Variants in ETFBKMT observed in about 807,000 individuals in gnomAD.
ETFBKMT encodes electron transfer flavoprotein subunit beta lysine methyltransferase, also known as electron transfer flavoprotein beta subunit lysine methyltransferase.
ETFBKMT carries 13 observed loss-of-function variants against 18.3 expected under a neutral mutation model. The ratio of observed to expected loss-of-function variants is 0.71; its 90% CI spans 0.46 to 1.13. ETFBKMT has a LOEUF of 1.13. ETFBKMT is among the 50% of genes most tolerant of loss of function. The pLI is 0.00. For synonymous variants in ETFBKMT, 84 were observed against 107.9 expected (o/e 0.78, Z 1.37); for missense variants, 293 against 306.2 (o/e 0.96, Z 0.32).
rs1302136238 is a variant in ETFBKMT at position 31,661,450 on chromosome 12, C to G, written c.-113-391C>G. Reference sequence around the variant, plus strand: ...ACTTGCACATGTGAATCATCAGATACAGTAATATACACTGTAATATTTTAT... The same window carrying G: ...ACTTGCACATGTGAATCATCAGATAGAGTAATATACACTGTAATATTTTAT... On this transcript the variant is annotated intron_variant, in intron 1 of 3. Coordinates refer to ENST00000357721, the MANE Select transcript of ETFBKMT (RefSeq NM_001135863.2). 7.2e-5 allele frequency among the ~76,000 whole-genome samples: 11 copies of G among 152,020 alleles called. No homozygotes were observed. The East Asian group carries it at 1.5e-3, about 21-fold the overall frequency.
At position 31,661,856 on chromosome 12, in the gene ETFBKMT, T is replaced by G; in HGVS notation, c.-98T>G. The G allele has an allele frequency of 3.7e-6, 4 of 1,091,246 alleles. No individual in the cohort carries two copies. Among genetic ancestry groups the G allele is most frequent in the Non-Finnish European group, 4.0e-6 (3 of 742,952 alleles). The allele number at this position is 1,091,246 out of a possible 1,614,324, so 67.6% of individuals were successfully genotyped here. ...TTTTTTTCAGAGTCAGAGGTTCCGG[T>G]TGAGATCAAGTTGGGAGACACACCC... is the stretch of plus-strand genomic sequence containing the variant. On this transcript the variant is annotated 5_prime_UTR_variant, in exon 2 of 4. Transcript: ENST00000357721.
At chr12:31,648,742 T>C (rs2139606286) in intron 1 of ETFBKMT, among the ~76,000 whole-genome samples, 1 of 151,718 alleles carries the variant, frequency 6.6e-6, no homozygotes, top group South Asian at 2.1e-4. Context: ...TTTGTATTTT[T>C]AGTAGAGACA....
In ETFBKMT at chr12:31,661,834, T is replaced by G. The variant is rs1008927273; in HGVS notation, c.-113-7T>G. ...ATTCTCAGTATTACTTTTCTTTTTT[T>G]TTTCAGAGTCAGAGGTTCCGGTTGA... is the stretch of plus-strand genomic sequence containing the variant. On this transcript the variant is annotated splice_polypyrimidine_tract_variant and splice_region_variant and intron_variant, in intron 1 of 3. Coordinates refer to ENST00000357721, the MANE Select transcript of ETFBKMT (RefSeq NM_001135863.2). The G allele has an allele frequency of 4.7e-6, 4 of 855,472 alleles. No individual in the cohort carries two copies. Among genetic ancestry groups the G allele is most frequent in the Non-Finnish European group, 7.5e-6 (4 of 534,608 alleles). The allele number at this position is 855,472 out of a possible 1,614,324, so 53.0% of individuals were successfully genotyped here.
In ETFBKMT at chr12:31,666,986, GTTCTTTTTTT is replaced by G. The variant is rs1450191085; in HGVS notation, c.446-648_446-639del. On this transcript the variant is annotated intron_variant, in intron 3 of 3. Coordinates refer to ENST00000357721, the MANE Select transcript of ETFBKMT (RefSeq NM_001135863.2). ...ACCTTTATTTTATAAAGGAGTCTCA[GTTCTTTTTTT>G]TTCTTTTTTTTTTTTTGATACAGAG... is the stretch of plus-strand genomic sequence containing the variant. Among the ~76,000 whole-genome samples the G allele has an allele frequency of 4.4e-4, 65 of 147,038 alleles. 1 individual carries two copies. Among genetic ancestry groups the G allele is most frequent in the South Asian group, 2.2e-3 (10 of 4,644 alleles).
upstream of ETFBKMT, among the ~76,000 whole-genome samples, chr12:31,654,289 A>C (rs572899644): frequency 3.9e-5 from 6 of 152,294 alleles, no homozygotes; most frequent in Admixed American, 3.3e-4. Context: ...ACCTCAGGTG[A>C]TCCTCCCACC....
chr12:31,649,976 C>T (rs1159009058), intron 1 of ETFBKMT, among the ~76,000 whole-genome samples: 1 of 151,378 alleles, frequency 6.6e-6, no homozygotes, highest in Admixed American at 6.6e-5. Flanking sequence ...AGGTTGGTCT[C>T]GAACTCCTGG....
chr12:31,668,784 CGCCA>C lies in ETFBKMT; in HGVS notation c.*798_*801del, dbSNP rs1457509984. The C allele has an allele frequency of 2.6e-5, 4 of 152,228 alleles. No homozygotes were observed. The highest frequency in any genetic ancestry group is 9.6e-5 in the African/African-American group (4 of 41,454). The allele number at this position is 152,228 out of a possible 1,614,324, so 9.4% of individuals were successfully genotyped here. ...CTAGGATTACAGGTGTGAGCCACCA[CGCCA>C]GCCTGACGATGTTTTTTACTTCTAT... On this transcript the variant is annotated 3_prime_UTR_variant, in exon 4 of 4. Coordinates refer to ENST00000357721, the MANE Select transcript of ETFBKMT (RefSeq NM_001135863.2).
intron 1 of ETFBKMT, among the ~76,000 whole-genome samples, chr12:31,660,444 A>G (rs1951108720): frequency 6.6e-6 from 1 of 152,196 alleles, no homozygotes; most frequent in Admixed American, 6.5e-5. Flanking sequence ...AAGAGATCCG[A>G]GGTCCCCAAA....
At position 31,668,582 on chromosome 12, in the gene ETFBKMT, T is replaced by G. The variant is rs946839893; in HGVS notation, c.*592T>G. The G allele has an allele frequency of 6.6e-6, 1 of 151,078 alleles. No homozygotes were observed. The highest frequency in any genetic ancestry group is 1.5e-5 in the Non-Finnish European group (1 of 67,884). 9.4% of individuals were successfully genotyped at this position (151,078 alleles called of 1,614,324 possible). A position where few individuals can be genotyped will look rare whatever the true frequency, so the allele number is the denominator to read the frequency against. On this transcript the variant is annotated 3_prime_UTR_variant, in exon 4 of 4. Coordinates refer to ENST00000357721, the MANE Select transcript of ETFBKMT (RefSeq NM_001135863.2). ...GTCTCGGCTCACTGTAGCCTCCACC[T>G]CCCCCAATCAAGCGATTGTCCTGTC...
intron 2 of ETFBKMT, 47 bp from the exon 3 acceptor site, chr12:31,666,040 T>TTA (rs1951189945): frequency 1.3e-6 from 2 of 1,558,600 alleles, no homozygotes; most frequent in East Asian, 4.6e-5. Flanking sequence ...TTCCCAACAT[T>TTA]TATTTTTCCT....
At position 31,662,075 on chromosome 12, in the gene ETFBKMT, G is replaced by C; in HGVS notation, c.122G>C (p.Ser41Thr). 6.2e-7 allele frequency: 1 copy of C among 1,614,250 alleles called. No homozygotes were observed. Among genetic ancestry groups the C allele is most frequent in the South Asian group, 1.1e-5 (1 of 91,090 alleles). ...CAGTGTCCCTGGAGAGGAGCTGGAA[G>C]CTTTTTGGACCCTGAGATAAAGGCT... ...CGQCPWRGAG[S>T]FLDPEIKAFL... The change falls in exon 2 of 4, where the codon AGC (serine) becomes ACC (threonine). Residue 41 changes from serine to threonine, a missense_variant. Transcript: ENST00000357721.
upstream of ETFBKMT, among the ~76,000 whole-genome samples, chr12:31,655,070 C>A (rs372640278): frequency 0.21 from 14,864 of 71,382 alleles, 844 homozygotes; most frequent in East Asian, 0.39. Flanking sequence ...AACAAACAAA[C>A]AAACAAAAAA....
intron 1 of ETFBKMT, among the ~76,000 whole-genome samples, chr12:31,651,307 C>CTTTTTT (rs71062448): frequency 1.4e-5 from 2 of 144,620 alleles, no homozygotes; most frequent in African/African-American, 2.6e-5. Flanking sequence ...GATGCCTTCC[C>CTTTTTT]TTTTTTTTTT....
intron 3 of ETFBKMT, among the ~76,000 whole-genome samples, chr12:31,666,999 CTT>C (rs1212726747): frequency 1.2e-4 from 16 of 134,956 alleles, no homozygotes; most frequent in Admixed American, 1.5e-4. Flanking sequence ...CTTTTTTTTT[CTT>C]TTTTTTTTTT....
intron 3 of ETFBKMT, 59 bp from the exon 4 acceptor site, chr12:31,667,588 C>CA (rs997254649): frequency 2.5e-6 from 3 of 1,180,340 alleles, no homozygotes; most frequent in African/African-American, 3.1e-5. Context: ...ATTTAATCAA[C>CA]ATGGAATTAT....
chr12:31,666,211 G>A lies in ETFBKMT; in HGVS notation c.439G>A (p.Asp147Asn). ...GASRILANDI[D>N]PIAGMAITLN... ...ATCAAGGATCTTGGCCAATGACATA[G>A]ACCCTAGTAAGGATTCATATTTTAA... Residue 147 changes from aspartate to asparagine, a missense_variant, in exon 3 of 4, where the codon GAC (aspartate) becomes AAC (asparagine). Asp to Asn is a conservative substitution (Grantham distance 23). Coordinates refer to ENST00000357721, the MANE Select transcript of ETFBKMT (RefSeq NM_001135863.2). The A allele has an allele frequency of 6.2e-7, 1 of 1,612,868 alleles. No individual in the cohort carries two copies. Among genetic ancestry groups the A allele is most frequent in the Non-Finnish European group, 8.5e-7 (1 of 1,179,626 alleles).
At chr12:31,666,994 T>C (rs1463428376) in intron 3 of ETFBKMT, among the ~76,000 whole-genome samples, 1 of 146,546 alleles carries the variant, frequency 6.8e-6, no homozygotes, top group Non-Finnish European at 1.5e-5. Flanking sequence ...CAGTTCTTTT[T>C]TTTTCTTTTT....
upstream of ETFBKMT, among the ~76,000 whole-genome samples, chr12:31,658,246 A>G (rs1397105747): frequency 6.6e-6 from 1 of 152,220 alleles, no homozygotes; most frequent in Admixed American, 6.5e-5. Flanking sequence ...GTGGTAATGA[A>G]AAGTTATAGT....
At chr12:31,649,448 C>G (rs921815858) in intron 1 of ETFBKMT, among the ~76,000 whole-genome samples, 1 of 152,150 alleles carries the variant, frequency 6.6e-6, no homozygotes, top group Admixed American at 6.5e-5. Flanking sequence ...TTGTGCCTCA[C>G]AGATATTGTG....
Sources: gnomAD v4.1 joint callset for allele counts (sites outside exome capture counted in the v4.1 genomes callset) on GRCh38, gnomAD v4.1.1 for gene constraint, MANE v1.5 for transcripts, NCBI Gene and HGNC (gene_info 2026-07-23, HGNC 2026-07-21) for gene names.